The following ARHGEF3 variants were observed in gnomAD, a reference collection of about 807,000 sequenced individuals.
The protein encoded by ARHGEF3 is Rho guanine nucleotide exchange factor 3.
ARHGEF3 carries 28 observed loss-of-function variants against 63.2 expected under a neutral mutation model. The observed-to-expected ratio is 0.44, with a 90% CI of 0.33 to 0.61. The LOEUF is 0.61. Ranked by LOEUF, ARHGEF3 falls within the 20% of genes least tolerant of loss-of-function variation. The pLI, the probability that ARHGEF3 is intolerant of heterozygous loss-of-function variation, is 0.03. For synonymous variants in ARHGEF3, 266 were observed against 254.2 expected, an observed-to-expected ratio of 1.05 and a Z score of -0.44; for missense variants, 533 against 659.3, an observed-to-expected ratio of 0.81 and a Z score of 2.10.
intron 2 of ARHGEF3, among the ~76,000 whole-genome samples, chr3:56,768,568 C>T (rs1298888890): frequency 6.7e-6 from 1 of 148,692 alleles, no homozygotes; most frequent in African/African-American, 2.5e-5. Flanking sequence ...ATAACTGTGA[C>T]ATAATACTCC....
rs569221176 is a variant in ARHGEF3 at position 56,741,672 on chromosome 3, T to G, written c.870+3533A>C. On this transcript the variant is annotated intron_variant, in intron 7 of 9. Transcript: ENST00000296315. ...GCGCCTGCCACCACGCCCAGCTAATTTTTTGTATTTTTAGTAGAGACGGGG... is the reference window on the plus strand; with the variant it reads ...GCGCCTGCCACCACGCCCAGCTAATGTTTTGTATTTTTAGTAGAGACGGGG... Among the ~76,000 whole-genome samples, 18 of 150,680 alleles carry G rather than the reference T, an allele frequency of 1.2e-4. No homozygotes were observed. In the South Asian group the frequency reaches 2.3e-3, roughly 20 times the overall value.
Position 56,730,670 on chromosome 3 carries a change from C to T in ARHGEF3, c.1229-1048G>A, listed in dbSNP as rs566227050. The stretch of plus-strand genomic sequence containing the variant: ...AGATGGGACTATAGGCGTGAGCCAC[C>T]GTGCCTGGCCTATTTAATCTAATAA... On this transcript the variant is annotated intron_variant, in intron 9 of 9. Coordinates refer to ENST00000296315, the MANE Select transcript of ARHGEF3 (RefSeq NM_019555.3). Among the ~76,000 whole-genome samples the T allele has an allele frequency of 2.0e-5, 3 of 152,254 alleles. No individual in the cohort carries two copies. In the East Asian group the frequency reaches 5.8e-4, roughly 29 times the overall value.
intron 2 of ARHGEF3, among the ~76,000 whole-genome samples, chr3:56,765,320 C>A (rs752769028): frequency 2.0e-5 from 3 of 152,100 alleles, no homozygotes; most frequent in Non-Finnish European, 4.4e-5. Context: ...AAGGAAGGGG[C>A]TTTACTGGCC....
At position 56,915,567 on chromosome 3, in the gene ARHGEF3, G is replaced by A. The variant is rs1560046556; in HGVS notation, c.130-33213C>T. Among the ~76,000 whole-genome samples the A allele has an allele frequency of 2.6e-5, 4 of 152,248 alleles. No homozygotes were observed. In the South Asian group the frequency reaches 8.3e-4, roughly 32 times the overall value. ...CAAATAAATAAAAGGGATAGGGAAT[G>A]TAACCTTCAGAGCTCCTAACCATTC... On this transcript the variant is annotated intron_variant, in intron 3 of 12. Transcript: ENST00000338458.
chr3:56,922,297 C>T (rs1350305541), intron 3 of ARHGEF3, among the ~76,000 whole-genome samples: 1 of 152,182 alleles, frequency 6.6e-6, no homozygotes, highest in East Asian at 1.9e-4. Context: ...TCCTTCCTTA[C>T]ACTGTCAGTT....
Position 56,901,883 on chromosome 3 carries a change from T to C in ARHGEF3, c.130-19529A>G, listed in dbSNP as rs373829573. On this transcript the variant is annotated intron_variant, in intron 3 of 12. Transcript: ENST00000338458. ...ACGACACCTTATTTAATACATATTGTTGATTCAGTAGCATTGAACTCATGG... is the reference window on the plus strand; with the variant it reads ...ACGACACCTTATTTAATACATATTGCTGATTCAGTAGCATTGAACTCATGG... Among the ~76,000 whole-genome samples the C allele has an allele frequency of 3.3e-5, 5 of 152,328 alleles. 1 individual carries two copies. The highest frequency in any genetic ancestry group is 3.9e-4 in the East Asian group (2 of 5,194).
intron 3 of ARHGEF3, among the ~76,000 whole-genome samples, chr3:56,891,867 A>AAATGTCT (rs1348005019): frequency 1.3e-5 from 2 of 152,288 alleles, no homozygotes; most frequent in African/African-American, 4.8e-5. Context: ...AAAATACTTA[A>AAATGTCT]AATGTCTAAA....
chr3:56,948,659 T>C lies in ARHGEF3; in HGVS notation c.129+10164A>G, dbSNP rs1057310685. Among the ~76,000 whole-genome samples the C allele has an allele frequency of 6.6e-5, 10 of 152,110 alleles. No homozygotes were observed. In the East Asian group the frequency reaches 7.7e-4, roughly 12 times the overall value. ...TTAATAGCTTACCAACCAAAAAAAGTCCAGGACCAGATGGATTCACAGCCG... is the reference window on the plus strand; with the variant it reads ...TTAATAGCTTACCAACCAAAAAAAGCCCAGGACCAGATGGATTCACAGCCG... On this transcript the variant is annotated intron_variant, in intron 3 of 12. Transcript: ENST00000338458.
intron 4 of ARHGEF3, among the ~76,000 whole-genome samples, chr3:56,816,637 A>C (rs1284829979): frequency 6.6e-6 from 1 of 152,212 alleles, no homozygotes; most frequent in Non-Finnish European, 1.5e-5. Flanking sequence ...TTTGACTTTA[A>C]TGAAGTATCT....
chr3:56,997,557 C>A (rs540719453), intron 2 of ARHGEF3, among the ~76,000 whole-genome samples: 2 of 152,198 alleles, frequency 1.3e-5, no homozygotes, highest in African/African-American at 2.4e-5. Context: ...GTCTGGCAGC[C>A]TCTCCATAAA....
chr3:56,865,993 TG>T (rs1454589835), intron 4 of ARHGEF3, among the ~76,000 whole-genome samples: 3 of 97,142 alleles, frequency 3.1e-5, no homozygotes, highest in Non-Finnish European at 6.2e-5. Flanking sequence ...TATCTGCAAA[TG>T]AAAAAAAAAA....
chr3:56,843,140 G>A (rs2039371483), intron 4 of ARHGEF3, among the ~76,000 whole-genome samples: 1 of 152,192 alleles, frequency 6.6e-6, no homozygotes, highest in African/African-American at 2.4e-5. Flanking sequence ...AATTTAGGGT[G>A]TTATCCTTTC....
chr3:56,871,271 T>C (rs1052451934), intron 4 of ARHGEF3, among the ~76,000 whole-genome samples: 3 of 152,102 alleles, frequency 2.0e-5, no homozygotes, highest in Non-Finnish European at 4.4e-5. Context: ...AGATATGACA[T>C]TTTACCCCTA....
intron 2 of ARHGEF3, among the ~76,000 whole-genome samples, chr3:57,025,883 G>T (rs1190058076): frequency 6.6e-6 from 1 of 152,000 alleles, no homozygotes; most frequent in Non-Finnish European, 1.5e-5. Context: ...CTCCTACTTG[G>T]GCTCTGCACA....
intron 1 of ARHGEF3, among the ~76,000 whole-genome samples, chr3:56,785,179 C>T (rs1305202914): frequency 6.6e-6 from 1 of 152,158 alleles, no homozygotes; most frequent in Admixed American, 6.6e-5. Flanking sequence ...GAGGCTGCTA[C>T]GAGACCATGT....
intron 2 of ARHGEF3, among the ~76,000 whole-genome samples, chr3:56,993,987 C>T (rs1472099652): frequency 4.2e-5 from 6 of 142,138 alleles, no homozygotes; most frequent in Non-Finnish European, 9.1e-5. Flanking sequence ...ACGCTTGAAC[C>T]CGGGAGGCGG....
At position 56,949,667 on chromosome 3, in the gene ARHGEF3, A is replaced by G. The variant is rs868380821; in HGVS notation, c.129+9156T>C. 8.9e-4 allele frequency among the ~76,000 whole-genome samples: 136 copies of G among 152,100 alleles called. 1 individual carries two copies. In the Middle Eastern group the frequency reaches 0.01, roughly 11 times the overall value. ...AATGGAAGAACATTCCATGCTCATG[A>G]GTAGGAAGAATCAATATCGTGAAAA... On this transcript the variant is annotated intron_variant, in intron 3 of 12. Coordinates refer to the ARHGEF3 transcript ENST00000338458.
intron 1 of ARHGEF3, among the ~76,000 whole-genome samples, chr3:57,043,566 G>C (rs1165919774): frequency 1.3e-5 from 2 of 152,132 alleles, no homozygotes; most frequent in Non-Finnish European, 2.9e-5. Context: ...AGTTGTAAGA[G>C]GAAGAGCATC....
intron 4 of ARHGEF3, among the ~76,000 whole-genome samples, chr3:56,819,946 A>C (rs1017297672): frequency 3.3e-5 from 5 of 151,802 alleles, no homozygotes; most frequent in African/African-American, 4.8e-5. Context: ...AGTAGCTGGG[A>C]CTACAGGCGT....
Sources: allele counts gnomAD v4.1 joint callset (sites outside exome capture counted in the v4.1 genomes callset), GRCh38; gene constraint gnomAD v4.1.1; transcripts MANE v1.5; gene names NCBI Gene and HGNC (gene_info 2026-07-23, HGNC 2026-07-21).